The following KCNIP1 variants were observed in gnomAD, a reference collection of about 807,000 sequenced individuals.
KCNIP1 encodes A-type potassium channel modulatory protein KCNIP1.
A neutral mutation model predicts 33.0 loss-of-function variants in KCNIP1; 18 were observed. The observed-to-expected ratio is 0.55, with a 90% CI of 0.38 to 0.81. The LOEUF (loss-of-function observed/expected upper bound fraction) is 0.81, where lower values mean the gene tolerates loss of function less well. Among genes scored for constraint, KCNIP1 ranks in the 30% least tolerant of loss-of-function variants. The pLI is 0.00. For synonymous variants in KCNIP1, 93 were observed against 98.3 expected (o/e 0.95, Z 0.32); for missense variants, 238 against 271.6 (o/e 0.88, Z 0.87).
rs559809714 is a variant in KCNIP1 at position 170,600,344 on chromosome 5, C to T, written c.61+95711C>T. Reference sequence around the variant, plus strand: ...GAACACATCATGCTGTATTTAGCGTCCAGGCTTTAGCACAGCTGTTCCCTG... The same window carrying T: ...GAACACATCATGCTGTATTTAGCGTTCAGGCTTTAGCACAGCTGTTCCCTG... On this transcript the variant is annotated intron_variant, in intron 1 of 7. Transcript: ENST00000328939. 7.2e-5 allele frequency among the ~76,000 whole-genome samples: 11 copies of T among 152,312 alleles called. No individual in the cohort carries two copies. In the South Asian group the frequency reaches 2.3e-3, roughly 32 times the overall value.
intron 1 of KCNIP1, among the ~76,000 whole-genome samples, chr5:170,654,512 C>A (rs1761185357): frequency 6.6e-6 from 1 of 152,118 alleles, no homozygotes; most frequent in South Asian, 2.1e-4. Context: ...GTAGGAAATG[C>A]ATATATATAA....
intron 1 of KCNIP1, among the ~76,000 whole-genome samples, chr5:170,575,684 T>C (rs2113501189): frequency 6.6e-6 from 1 of 152,294 alleles, no homozygotes; most frequent in South Asian, 2.1e-4. Context: ...GCTTCCTTTG[T>C]ACCCCCTCAG....
chr5:170,705,428 G>A (rs760047867), intron 1 of KCNIP1, among the ~76,000 whole-genome samples: 13 of 152,166 alleles, frequency 8.5e-5, no homozygotes, highest in Non-Finnish European at 1.3e-4. Flanking sequence ...GAGATGGCCC[G>A]TAACAGTGCT....
intron 1 of KCNIP1, among the ~76,000 whole-genome samples, chr5:170,370,305 A>T (rs1763810978): frequency 6.6e-6 from 1 of 152,204 alleles, no homozygotes; most frequent in Non-Finnish European, 1.5e-5. Flanking sequence ...AGTACTTCAC[A>T]TTCATGATTG....
chr5:170,535,316 G>A (rs1281929896), intron 1 of KCNIP1, among the ~76,000 whole-genome samples: 2 of 152,140 alleles, frequency 1.3e-5, no homozygotes, highest in Non-Finnish European at 2.9e-5. Flanking sequence ...GTGCCCTTGG[G>A]TGAAGGAAAA....
chr5:170,604,407 C>T (rs1758816395), intron 1 of KCNIP1, among the ~76,000 whole-genome samples: 2 of 152,056 alleles, frequency 1.3e-5, no homozygotes, highest in Admixed American at 6.6e-5. Context: ...CCTTCAAGGG[C>T]GGGGATCGGA....
intron 1 of KCNIP1, among the ~76,000 whole-genome samples, chr5:170,605,770 C>CTTTTTTT (rs766469605): frequency 3.2e-4 from 33 of 102,342 alleles, no homozygotes; most frequent in Non-Finnish European, 4.9e-4. Flanking sequence ...CAACCCTGTT[C>CTTTTTTT]TTTTTTTTTT....
intron 1 of KCNIP1, among the ~76,000 whole-genome samples, chr5:170,601,797 G>A (rs946728717): frequency 3.3e-5 from 5 of 152,208 alleles, no homozygotes; most frequent in South Asian, 2.1e-4. Flanking sequence ...CGGAGGCATC[G>A]AGCATGGTAA....
chr5:170,734,356 C>G (rs1222974620), intron 7 of KCNIP1, among the ~76,000 whole-genome samples: 1 of 152,184 alleles, frequency 6.6e-6, no homozygotes, highest in Non-Finnish European at 1.5e-5. Flanking sequence ...CCCAGAGACT[C>G]TAGATCTGGG....
At chr5:170,641,761 C>T (rs188470983) in intron 1 of KCNIP1, among the ~76,000 whole-genome samples, 6 of 152,306 alleles carry the variant, frequency 3.9e-5, no homozygotes, top group South Asian at 2.1e-4. Flanking sequence ...CATCTCCCCA[C>T]GATCTACGAC....
intron 1 of KCNIP1, among the ~76,000 whole-genome samples, chr5:170,598,641 G>A (rs977328911): frequency 6.6e-6 from 1 of 152,180 alleles, no homozygotes; most frequent in African/African-American, 2.4e-5. Flanking sequence ...GGAGCTGGTT[G>A]CAGAGGAGAG....
In KCNIP1 at chr5:170,504,663, G is replaced by A; in HGVS notation, c.61+30G>A. The A allele has an allele frequency of 6.3e-7, 1 of 1,593,470 alleles. No individual in the cohort carries two copies. The highest frequency in any genetic ancestry group is 8.6e-7 in the Non-Finnish European group (1 of 1,161,562). On this transcript the variant is annotated intron_variant, in intron 1 of 7. Coordinates refer to ENST00000328939, the MANE Select transcript of KCNIP1 (RefSeq NM_014592.4). This position sits in a 1 kb window ranked among gnomAD's most constrained non-coding sequence, Gnocchi z 6.0. ...GCCACCTTCTTCCTTTTGTTCCCCTGTCTGGGCTTGGGGGTGCTAGGCGCC... is the reference window on the plus strand; with the variant it reads ...GCCACCTTCTTCCTTTTGTTCCCCTATCTGGGCTTGGGGGTGCTAGGCGCC...
chr5:170,520,814 G>A (rs1434639722), intron 1 of KCNIP1, among the ~76,000 whole-genome samples: 1 of 152,174 alleles, frequency 6.6e-6, no homozygotes, highest in Non-Finnish European at 1.5e-5. Context: ...CTTCAGGGAA[G>A]GCTCCACATA....
At chr5:170,554,301 C>A (rs543084739) in intron 1 of KCNIP1, among the ~76,000 whole-genome samples, 8 of 152,094 alleles carry the variant, frequency 5.3e-5, no homozygotes, top group Non-Finnish European at 1.2e-4. Flanking sequence ...TGAGAAGCTC[C>A]CTGGAGCCTC....
At chr5:170,480,692 C>T (rs1406539453) in intron 1 of KCNIP1, among the ~76,000 whole-genome samples, 2 of 152,076 alleles carry the variant, frequency 1.3e-5, no homozygotes, top group African/African-American at 4.8e-5. Flanking sequence ...GATCCACCCA[C>T]CTCAACCTCC....
intron 1 of KCNIP1, among the ~76,000 whole-genome samples, chr5:170,357,202 C>T (rs1343937377): frequency 1.3e-5 from 2 of 152,210 alleles, no homozygotes; most frequent in Admixed American, 6.5e-5. Flanking sequence ...GAGACATCCC[C>T]GGACCCTGCA....
chr5:170,569,731 G>A (rs548417416), intron 1 of KCNIP1, among the ~76,000 whole-genome samples: 11 of 152,186 alleles, frequency 7.2e-5, no homozygotes, highest in Admixed American at 2.6e-4. Flanking sequence ...GAGACAGAAC[G>A]AAGCCCTGTC....
At chr5:170,403,304 T>A (rs1163260182) in intron 1 of KCNIP1, among the ~76,000 whole-genome samples, 3 of 152,186 alleles carry the variant, frequency 2.0e-5, no homozygotes, top group Admixed American at 6.5e-5. Context: ...TGGAGCAGAT[T>A]CAGTTAGGAA....
chr5:170,355,196 T>C (rs899886148), intron 1 of KCNIP1, among the ~76,000 whole-genome samples: 1 of 152,180 alleles, frequency 6.6e-6, no homozygotes, highest in African/African-American at 2.4e-5. Flanking sequence ...TCTTCCAAGA[T>C]ACCCAGGTGG....
Sources: allele counts gnomAD v4.1 joint callset (sites outside exome capture counted in the v4.1 genomes callset), GRCh38; gene constraint gnomAD v4.1.1; non-coding constraint Gnocchi (gnomAD v3.1); transcripts MANE v1.5; gene names NCBI Gene and HGNC (gene_info 2026-07-23, HGNC 2026-07-21).